SSPN: variants seen among roughly 807,000 people sequenced by gnomAD.
The protein encoded by SSPN is sarcospan, also known as K-ras oncogene-associated protein.
A neutral mutation model predicts 19.1 loss-of-function variants in SSPN; 15 were observed. The ratio of observed to expected loss-of-function variants is 0.78; its 90% CI spans 0.52 to 1.21. SSPN has a LOEUF of 1.21. SSPN is among the 50% of genes most tolerant of loss of function. The pLI is 0.00. For missense variants in SSPN, 291 were observed against 314.0 expected, an observed-to-expected ratio of 0.93 and a Z score of 0.55; for synonymous variants, 147 against 140.3, an observed-to-expected ratio of 1.05 and a Z score of -0.34.
chr12:26,163,116 C>G (rs1944600121), intron 1 of SSPN, among the ~76,000 whole-genome samples: 1 of 151,336 alleles, frequency 6.6e-6, no homozygotes, highest in South Asian at 2.1e-4. Context: ...GGTTTGAGAC[C>G]TCAGAACTTT....
chr12:26,135,838 TA>T (rs1944422124), intron 1 of SSPN, among the ~76,000 whole-genome samples: 1 of 152,198 alleles, frequency 6.6e-6, no homozygotes, highest in South Asian at 2.1e-4. Flanking sequence ...CCAGCTGAGA[TA>T]CAATTCTGAG....
At chr12:26,196,843 T>C (rs1188276152) in intron 1 of SSPN, among the ~76,000 whole-genome samples, 1 of 152,266 alleles carries the variant, frequency 6.6e-6, no homozygotes, top group Non-Finnish European at 1.5e-5. Context: ...CATTCAGCCA[T>C]GCTGATTCCT....
At chr12:26,133,564 T>A (rs558504445) in intron 1 of SSPN, among the ~76,000 whole-genome samples, 6 of 152,240 alleles carry the variant, frequency 3.9e-5, no homozygotes, top group Non-Finnish European at 8.8e-5. Flanking sequence ...TTGGAAAGGC[T>A]GGGATTATCA....
rs774174394 is a variant in SSPN, at chr12:26,128,493, C to T, written c.-31+6341C>T. 2.4e-4 allele frequency among the ~76,000 whole-genome samples: 37 copies of T among 152,182 alleles called. 1 individual carries two copies. The highest frequency in any genetic ancestry group is 4.6e-4 in the Admixed American group (7 of 15,274). ...AAAAGGCTGATGGTGACCAGCTGTT[C>T]ACCAGCTCTGCTGAGCAAACTGAGC... On this transcript the variant is annotated intron_variant, in intron 1 of 2. Coordinates refer to the SSPN transcript ENST00000538142.
At chr12:26,178,738 A>G (rs552767090) in intron 1 of SSPN, among the ~76,000 whole-genome samples, 1 of 152,260 alleles carries the variant, frequency 6.6e-6, no homozygotes, top group African/African-American at 2.4e-5. Context: ...GCATCTTCTA[A>G]ATGGGTCTTC....
chr12:26,202,344 A>G (rs1944894056), intron 1 of SSPN, among the ~76,000 whole-genome samples: 1 of 152,208 alleles, frequency 6.6e-6, no homozygotes, highest in South Asian at 2.1e-4. Flanking sequence ...ACTATGAGGT[A>G]ATAGTAAGGA....
intron 1 of SSPN, among the ~76,000 whole-genome samples, chr12:26,216,720 A>G (rs1329774382): frequency 8.4e-6 from 1 of 118,946 alleles, no homozygotes; most frequent in Non-Finnish European, 1.7e-5. Flanking sequence ...CTAACATTTA[A>G]GTCTTTAATC....
chr12:26,168,681 C>T (rs1944635689), intron 1 of SSPN, among the ~76,000 whole-genome samples: 1 of 152,120 alleles, frequency 6.6e-6, no homozygotes, highest in South Asian at 2.1e-4. Flanking sequence ...GAGGGGATGG[C>T]CATAATGCCA....
At position 26,195,808 on chromosome 12, in the gene SSPN, A is replaced by G; in HGVS notation, c.136A>G (p.Thr46Ala). The G allele has an allele frequency of 6.5e-7, 1 of 1,536,392 alleles. No homozygotes were observed. Among genetic ancestry groups the G allele is most frequent in the South Asian group, 1.2e-5 (1 of 82,276 alleles). The part of the protein sequence containing the change: ...PKECGEEEPR[T>A]CCGCRFPLLL... ...GGAGTGCGGGGAGGAGGAGCCCCGG[A>G]CCTGCTGCGGCTGCCGGTTCCCGCT... The change falls in exon 1 of 3, where the codon ACC becomes GCC. Residue 46 changes from threonine to alanine, a missense_variant. Around this residue, in one of 3 missense-constraint regions of SSPN, gnomAD observed 139 missense variants for 119.6 expected, o/e 1.16. Coordinates refer to ENST00000242729, the MANE Select transcript of SSPN (RefSeq NM_005086.5).
intron 1 of SSPN, among the ~76,000 whole-genome samples, chr12:26,150,237 C>G (rs1565672720): frequency 6.6e-6 from 1 of 152,168 alleles, no homozygotes; most frequent in Non-Finnish European, 1.5e-5. Context: ...TATTTTGCCT[C>G]CCAGGTCTCA....
rs768732881 is a variant in SSPN at position 26,231,104 on chromosome 12, G to A, written c.*28G>A. ...TTCTTGCTCAAAGTTGCGAGAGAAAGTAGCACATGGAGTAGCTGAGGTTAA... is the reference window on the plus strand; with the variant it reads ...TTCTTGCTCAAAGTTGCGAGAGAAAATAGCACATGGAGTAGCTGAGGTTAA... On this transcript the variant is annotated 3_prime_UTR_variant, in exon 3 of 3. Coordinates refer to ENST00000242729, the MANE Select transcript of SSPN (RefSeq NM_005086.5). The A allele has an allele frequency of 4.8e-5, 76 of 1,593,600 alleles. No homozygotes were observed. The highest frequency in any genetic ancestry group is 6.3e-5 in the Non-Finnish European group (74 of 1,168,070).
intron 1 of SSPN, among the ~76,000 whole-genome samples, chr12:26,196,180 C>A (rs995030316): frequency 1.3e-5 from 2 of 152,220 alleles, no homozygotes; most frequent in Admixed American, 1.3e-4. Flanking sequence ...AGCGCCTCCA[C>A]GGGGCCTGAC....
At chr12:26,182,306 T>C (rs1944723425) in intron 1 of SSPN, among the ~76,000 whole-genome samples, 1 of 152,200 alleles carries the variant, frequency 6.6e-6, no homozygotes, top group South Asian at 2.1e-4. Flanking sequence ...AGTGATTACC[T>C]CTGACTCCAA....
chr12:26,127,368 A>G (rs964701936), intron 1 of SSPN, among the ~76,000 whole-genome samples: 1 of 152,220 alleles, frequency 6.6e-6, no homozygotes, highest in Non-Finnish European at 1.5e-5. Flanking sequence ...ATAAGCTTGC[A>G]GCACCCCATA....
At chr12:26,160,247 T>G (rs1944579745) in intron 1 of SSPN, among the ~76,000 whole-genome samples, 1 of 152,214 alleles carries the variant, frequency 6.6e-6, no homozygotes, top group Non-Finnish European at 1.5e-5. Flanking sequence ...ATATTTAATA[T>G]TTGATCAAGA....
intron 1 of SSPN, among the ~76,000 whole-genome samples, chr12:26,176,546 G>C (rs1022310442): frequency 6.6e-6 from 1 of 152,170 alleles, no homozygotes; most frequent in African/African-American, 2.4e-5. Flanking sequence ...CAGTCAATGG[G>C]AGGCTGTGCG....
intron 1 of SSPN, among the ~76,000 whole-genome samples, chr12:26,206,194 G>T (rs1392222903): frequency 6.6e-6 from 1 of 152,122 alleles, no homozygotes; most frequent in Non-Finnish European, 1.5e-5. Context: ...TGGGAGGCGA[G>T]GGGGAAATGT....
chr12:26,211,410 T>A (rs1432966903), intron 1 of SSPN: 3 of 152,224 alleles, frequency 2.0e-5, no homozygotes, highest in African/African-American at 7.2e-5. Context: ...GATGAAACAC[T>A]CAGCCTTGGG....
chr12:26,174,507 T>C (rs112131420), intron 1 of SSPN, among the ~76,000 whole-genome samples: 15 of 116,746 alleles, frequency 1.3e-4, no homozygotes, highest in Non-Finnish European at 2.0e-4. Flanking sequence ...TTCCTTCCCT[T>C]CCTTCCTTCC....
Sources: allele counts gnomAD v4.1 joint callset (sites outside exome capture counted in the v4.1 genomes callset), GRCh38; gene constraint gnomAD v4.1.1; regional missense constraint gnomAD v4.1.1; transcripts MANE v1.5; gene names NCBI Gene and HGNC (gene_info 2026-07-23, HGNC 2026-07-21).